FKBP1B: variants seen among roughly 807,000 people sequenced by gnomAD.
FKBP1B encodes FKBP prolyl isomerase 1B.
A neutral mutation model predicts 13.5 loss-of-function variants in FKBP1B; 4 were observed. The observed-to-expected ratio is 0.30, with a 90% CI of 0.15 to 0.68. FKBP1B has a LOEUF of 0.68. FKBP1B is among the 30% of genes least tolerant of loss of function. The pLI is 0.76. For missense variants in FKBP1B, 93 were observed against 136.2 expected (o/e 0.68, Z 1.58); for synonymous variants, 54 against 53.6 (o/e 1.01, Z -0.03).
intron 3 of FKBP1B, among the ~76,000 whole-genome samples, chr2:24,062,487 T>A (rs1664439273): frequency 6.6e-6 from 1 of 152,086 alleles, no homozygotes; most frequent in African/African-American, 2.4e-5. Context: ...ACTTTTTGTA[T>A]TTTTTAGTAG....
At chr2:24,042,954 AC>A in the FKBP1B span, among the ~76,000 whole-genome samples, 168 of 148,978 alleles carry the variant, frequency 1.1e-3, 1 homozygote, top group African/African-American at 4.1e-3. Context: ...AATCACTTGA[AC>A]CCAGGAGGCG....
At chr2:24,062,719 C>G (rs1664449963) in intron 3 of FKBP1B, among the ~76,000 whole-genome samples, 1 of 152,106 alleles carries the variant, frequency 6.6e-6, no homozygotes, top group Non-Finnish European at 1.5e-5. Context: ...ATTCATACAC[C>G]CTCTTTTCCT....
intron 2 of FKBP1B, among the ~76,000 whole-genome samples, chr2:24,057,905 TTGTC>T (rs1224087131): frequency 1.3e-5 from 2 of 152,040 alleles, no homozygotes; most frequent in Admixed American, 6.5e-5. Flanking sequence ...TAAGAAATCT[TTGTC>T]TGTCAGGCCA....
intron 1 of FKBP1B, among the ~76,000 whole-genome samples, chr2:24,053,095 G>A (rs1663953724): frequency 6.6e-6 from 1 of 151,800 alleles, no homozygotes; most frequent in South Asian, 2.1e-4. Flanking sequence ...AATATTTGTG[G>A]TTTTGTTTTG....
upstream of FKBP1B, among the ~76,000 whole-genome samples, chr2:24,047,943 A>C (rs748723058): frequency 3.2e-4 from 48 of 152,144 alleles, no homozygotes; most frequent in Non-Finnish European, 5.1e-4. Context: ...TGACCCTCAC[A>C]GTACAGTCGA....
At chr2:24,059,887 T>A (rs1573695996) in intron 2 of FKBP1B, among the ~76,000 whole-genome samples, 1 of 96,104 alleles carries the variant, frequency 1.0e-5, no homozygotes, top group African/African-American at 4.1e-5. Context: ...AGAGGGAGAC[T>A]CCGACTCAAA....
At chr2:24,038,213 C>T in the FKBP1B span, 2 of 1,613,910 alleles carry the variant, frequency 1.2e-6, no homozygotes, top group Non-Finnish European at 1.7e-6. Flanking sequence ...ATTTCTCTAA[C>T]AATCAAGCTA....
chr2:24,059,696 C>A (rs1011223605), intron 2 of FKBP1B, among the ~76,000 whole-genome samples: 1 of 151,846 alleles, frequency 6.6e-6, no homozygotes, highest in Non-Finnish European at 1.5e-5. Flanking sequence ...GAGTTCGAGA[C>A]CAGCCTGGCC....
chr2:24,033,894 GAAAAT>G, the FKBP1B span, among the ~76,000 whole-genome samples: 1 of 151,928 alleles, frequency 6.6e-6, no homozygotes, highest in Admixed American at 6.6e-5. Flanking sequence ...CTCATAAAAA[GAAAAT>G]AAAACTATAC....
At chr2:24,039,381 A>G in the FKBP1B span, 1 of 1,614,242 alleles carries the variant, frequency 6.2e-7, no homozygotes, top group South Asian at 1.1e-5. Context: ...GAAGCCGCAA[A>G]TCAGTTAGGA....
At chr2:24,035,816 A>T in the FKBP1B span, among the ~76,000 whole-genome samples, 1 of 151,856 alleles carries the variant, frequency 6.6e-6, no homozygotes, top group Non-Finnish European at 1.5e-5. Context: ...TACACGTGTA[A>T]TCTCAGCACT....
At chr2:24,062,841 T>G (rs1433663209) in intron 3 of FKBP1B, among the ~76,000 whole-genome samples, 1 of 152,206 alleles carries the variant, frequency 6.6e-6, no homozygotes, top group Non-Finnish European at 1.5e-5. Context: ...TTGAGACCAC[T>G]CTGTGAGGGT....
intron 2 of FKBP1B, among the ~76,000 whole-genome samples, chr2:24,058,234 T>C (rs1022951415): frequency 4.6e-5 from 7 of 151,996 alleles, no homozygotes; most frequent in African/African-American, 1.7e-4. Flanking sequence ...CTCTAGGTCA[T>C]GAAGATATCC....
upstream of FKBP1B, among the ~76,000 whole-genome samples, chr2:24,046,580 A>G (rs1426418091): frequency 6.6e-6 from 1 of 152,206 alleles, no homozygotes; most frequent in African/African-American, 2.4e-5. Context: ...TCATGACGAG[A>G]ATCAAGGGAT....
the FKBP1B span, among the ~76,000 whole-genome samples, chr2:24,035,229 A>G: frequency 3.3e-5 from 5 of 151,918 alleles, no homozygotes; most frequent in African/African-American, 1.2e-4. Flanking sequence ...GGAAAAAAAG[A>G]TGAAAAAAGA....
chr2:24,038,090 G>C, the FKBP1B span: 4 of 1,614,114 alleles, frequency 2.5e-6, no homozygotes, highest in Admixed American at 3.3e-5. Flanking sequence ...CAAAAATCTG[G>C]GGAAAGACTT....
chr2:24,062,316 G>A (rs769407337), intron 3 of FKBP1B, among the ~76,000 whole-genome samples: 9 of 152,018 alleles, frequency 5.9e-5, no homozygotes, highest in Non-Finnish European at 1.0e-4. Flanking sequence ...GAGATTACAG[G>A]TGTGCACCAT....
the FKBP1B span, chr2:24,039,129 G>A: frequency 6.2e-7 from 1 of 1,614,192 alleles, no homozygotes; most frequent in South Asian, 1.1e-5. Context: ...CACATTTTGG[G>A]TGCCACACAC....
chr2:24,043,960 C>T, the FKBP1B span, among the ~76,000 whole-genome samples: 1 of 151,754 alleles, frequency 6.6e-6, no homozygotes, highest in Non-Finnish European at 1.5e-5. Context: ...GCTTGCTAAA[C>T]GGAGAAAAAA....
Sources: gnomAD v4.1 joint callset for allele counts (sites outside exome capture counted in the v4.1 genomes callset) on GRCh38, gnomAD v4.1.1 for gene constraint, MANE v1.5 for transcripts, NCBI Gene and HGNC (gene_info 2026-07-23, HGNC 2026-07-21) for gene names.